RHOU: variants seen among roughly 807,000 people sequenced by gnomAD.
The protein encoded by RHOU is rho-related GTP-binding protein RhoU.
RHOU carries 8 observed loss-of-function variants against 12.6 expected under a neutral mutation model. The ratio of observed to expected loss-of-function variants is 0.64; its 90% CI spans 0.37 to 1.15. RHOU has a LOEUF of 1.15. Among genes scored for constraint, RHOU ranks in the 50% most tolerant of loss-of-function variants. The probability of loss-of-function intolerance (pLI) is 0.01; values close to 1 mark genes in which losing one functional copy is unlikely to be tolerated. For synonymous variants in RHOU, 161 were observed against 147.4 expected (o/e 1.09, Z -0.67); for missense variants, 258 against 347.0 (o/e 0.74, Z 2.04).
chr1:228,740,110 A>C (rs1225955042), intron 2 of RHOU, among the ~76,000 whole-genome samples: 4 of 152,252 alleles, frequency 2.6e-5, no homozygotes, highest in Non-Finnish European at 5.9e-5. Flanking sequence ...AACTTTGCAT[A>C]AATGACTGAA....
At chr1:228,714,012 T>C in the RHOU span, among the ~76,000 whole-genome samples, 1 of 152,210 alleles carries the variant, frequency 6.6e-6, no homozygotes, top group African/African-American at 2.4e-5. Context: ...TTTTGTACTC[T>C]CAGAAGATGT....
chr1:228,741,931 G>A lies in RHOU; in HGVS notation c.322-1354G>A, dbSNP rs146275464. ...TGATTAGTTGGTTGGCTGTCGTCCC[G>A]TAATTGAAACATGGGGCCTCAAATG... On this transcript the variant is annotated intron_variant, in intron 2 of 2. Coordinates refer to ENST00000366691, the MANE Select transcript of RHOU (RefSeq NM_021205.6). Among the ~76,000 whole-genome samples the A allele has an allele frequency of 3.7e-3, 560 of 152,278 alleles. 3 individuals carry two copies. Among genetic ancestry groups the A allele is most frequent in the Middle Eastern group, 0.027 (8 of 294 alleles).
At chr1:228,649,583 G>T in the RHOU span, among the ~76,000 whole-genome samples, 199 of 152,266 alleles carry the variant, frequency 1.3e-3, no homozygotes, top group Admixed American at 2.2e-3. Flanking sequence ...TTAAATAAAT[G>T]ACTATTAATT....
At chr1:228,680,875 G>A in the RHOU span, among the ~76,000 whole-genome samples, 5 of 152,210 alleles carry the variant, frequency 3.3e-5, no homozygotes, top group Middle Eastern at 6.8e-3. Flanking sequence ...ATGTAATTTC[G>A]CCTAGCTATA....
chr1:228,725,566 C>T, the RHOU span, among the ~76,000 whole-genome samples: 2 of 152,196 alleles, frequency 1.3e-5, no homozygotes, highest in Admixed American at 1.3e-4. Flanking sequence ...GAACAGAGCA[C>T]TTCCCCAGGG....
the RHOU span, among the ~76,000 whole-genome samples, chr1:228,722,634 T>C: frequency 5.9e-5 from 9 of 151,976 alleles, no homozygotes; most frequent in Admixed American, 2.0e-4. Context: ...CCTCCTTTTT[T>C]TTTTTTTGAG....
the RHOU span, among the ~76,000 whole-genome samples, chr1:228,714,473 T>A: frequency 6.6e-6 from 1 of 152,174 alleles, no homozygotes; most frequent in African/African-American, 2.4e-5. Flanking sequence ...AGTTCCTTGA[T>A]AACTTCCTCC....
chr1:228,735,858 GGGGGCGTGCGGGGGGTGCCGA>G lies in RHOU; in HGVS notation c.123_143del (p.Ala42_Arg48del). ...CGCGGGCCTGGGGAGCCGGGGGGCC[GGGGGCGTGCGGGGGGTGCCGA>G]GGGGCGCGGCGTCAAGTGCGTGCTG... On this transcript the variant is annotated inframe_deletion, in exon 1 of 3. Transcript: ENST00000366691. This position sits in a 1 kb window ranked among gnomAD's most constrained non-coding sequence, Gnocchi z 8.1. 7.1e-7 allele frequency: 1 copy of G among 1,402,264 alleles called. No individual in the cohort carries two copies. 86.9% of individuals were successfully genotyped at this position (1,402,264 alleles called of 1,614,324 possible).
the RHOU span, among the ~76,000 whole-genome samples, chr1:228,707,235 GTATATA>G: frequency 8.5e-4 from 65 of 76,746 alleles, no homozygotes; most frequent in Non-Finnish European, 1.3e-3. Flanking sequence ...ATATACATAT[GTATATA>G]TATATATATA....
At chr1:228,704,799 T>A in the RHOU span, among the ~76,000 whole-genome samples, 1 of 151,992 alleles carries the variant, frequency 6.6e-6, no homozygotes, top group Non-Finnish European at 1.5e-5. Flanking sequence ...AAGAATTTTT[T>A]GTTTGCTTGT....
chr1:228,650,575 G>A, the RHOU span: 4 of 455,930 alleles, frequency 8.8e-6, no homozygotes, highest in Middle Eastern at 3.3e-4. Context: ...CTCACTGCTC[G>A]CCTGCCTGCC....
chr1:228,647,120 C>G, the RHOU span, among the ~76,000 whole-genome samples: 14 of 152,256 alleles, frequency 9.2e-5, no homozygotes, highest in South Asian at 2.3e-3. Flanking sequence ...TTTGAGCAGT[C>G]CGGAATAGGG....
chr1:228,665,838 C>G, the RHOU span, among the ~76,000 whole-genome samples: 1 of 152,122 alleles, frequency 6.6e-6, no homozygotes, highest in Non-Finnish European at 1.5e-5. Flanking sequence ...TACCTTCTAC[C>G]CTGGGAGAAA....
chr1:228,683,712 A>G, the RHOU span, among the ~76,000 whole-genome samples: 1 of 152,222 alleles, frequency 6.6e-6, no homozygotes. Context: ...TTTCCAAAAT[A>G]TTTTTAAAGA....
rs954066832 is a variant in RHOU, at chr1:228,745,307, G to A, written c.*1567G>A. The A allele has an allele frequency of 3.3e-5, 5 of 152,192 alleles. No individual in the cohort carries two copies. Among genetic ancestry groups the A allele is most frequent in the Admixed American group, 6.5e-5 (1 of 15,274 alleles). The allele number at this position is 152,192 out of a possible 1,614,324, so 9.4% of individuals were successfully genotyped here. A position where few individuals can be genotyped will look rare whatever the true frequency, so the allele number is the denominator to read the frequency against. ...CACTCAGTTGCAGGGTCGGGCTTGC[G>A]GTGGGTGACCCAGAGCCACCAAAGT... On this transcript the variant is annotated 3_prime_UTR_variant, in exon 3 of 3. Transcript: ENST00000366691.
the RHOU span, among the ~76,000 whole-genome samples, chr1:228,712,167 C>T: frequency 1.3e-3 from 199 of 152,128 alleles, no homozygotes; most frequent in African/African-American, 4.7e-3. Flanking sequence ...ATAACAGGTG[C>T]TGGAGAGGAT....
At chr1:228,731,240 A>G (rs2180162), upstream of RHOU, among the ~76,000 whole-genome samples, 25,609 of 152,178 alleles carry the variant, frequency 0.17, 2,831 homozygotes, top group African/African-American at 0.31. Context: ...GACAAGCACA[A>G]ATATATCCAC....
the RHOU span, among the ~76,000 whole-genome samples, chr1:228,672,231 A>G: frequency 6.6e-6 from 1 of 152,162 alleles, no homozygotes; most frequent in African/African-American, 2.4e-5. Flanking sequence ...GCAATGGTGC[A>G]ACCTCAGCTC....
the RHOU span, among the ~76,000 whole-genome samples, chr1:228,685,207 C>T: frequency 6.6e-6 from 1 of 152,206 alleles, no homozygotes; most frequent in Non-Finnish European, 1.5e-5. Flanking sequence ...TTCTTTACTG[C>T]AGTCTGTTCT....
Sources: allele counts gnomAD v4.1 joint callset (sites outside exome capture counted in the v4.1 genomes callset), GRCh38; gene constraint gnomAD v4.1.1; non-coding constraint Gnocchi (gnomAD v3.1); transcripts MANE v1.5; gene names NCBI Gene and HGNC (gene_info 2026-07-23, HGNC 2026-07-21).